The following ANXA6 variants were observed in gnomAD, a reference collection of about 807,000 sequenced individuals.
ANXA6 encodes annexin A6.
In ANXA6, 71 loss-of-function variants were observed where a neutral mutation model predicts 95.4. That is an observed-to-expected ratio of 0.74 (90% confidence interval 0.61 to 0.91). ANXA6 has a LOEUF of 0.91. Among genes scored for constraint, ANXA6 ranks in the 40% least tolerant of loss-of-function variants. The pLI is 0.00. For synonymous variants in ANXA6, 289 were observed against 315.9 expected, an observed-to-expected ratio of 0.91 and a Z score of 0.90; for missense variants, 830 against 876.4, an observed-to-expected ratio of 0.95 and a Z score of 0.67.
chr5:151,153,754 G>C (rs1271767530), intron 1 of ANXA6, among the ~76,000 whole-genome samples: 1 of 151,968 alleles, frequency 6.6e-6, no homozygotes, highest in East Asian at 1.9e-4. Context: ...CACCCCCTCA[G>C]GTAAAAAAAG....
At chr5:151,121,127 T>C (rs1254569870) in intron 17 of ANXA6, among the ~76,000 whole-genome samples, 1 of 152,218 alleles carries the variant, frequency 6.6e-6, no homozygotes, top group Non-Finnish European at 1.5e-5. Flanking sequence ...TAGCTCCCCA[T>C]TGCTGCCCTC....
intron 20 of ANXA6, among the ~76,000 whole-genome samples, chr5:151,111,883 G>T (rs886859801): frequency 6.6e-6 from 1 of 152,168 alleles, no homozygotes; most frequent in Non-Finnish European, 1.5e-5. Flanking sequence ...CCACCTCCCA[G>T]GTTCAAGCGA....
Position 151,139,391 on chromosome 5 carries a change from G to C in ANXA6, c.166C>G (p.Gln56Glu). Reference sequence around the variant, plus strand: ...GACTTGTAGCTCTGGCAGACCTCCTGCCTCTGCCTGTTGCTCCGTGAGGTG... The same window carrying C: ...GACTTGTAGCTCTGGCAGACCTCCTCCCTCTGCCTGTTGCTCCGTGAGGTG... ...IITSRSNRQR[Q>E]EVCQSYKSLY... The change falls in exon 4 of 26, where the codon CAG becomes GAG. Residue 56 changes from glutamine (Q) to glutamate (E), a missense_variant. By Grantham distance (29) the Gln-to-Glu change is conservative. Coordinates refer to ENST00000354546, the MANE Select transcript of ANXA6 (RefSeq NM_001155.5). 6.2e-7 allele frequency: 1 copy of C among 1,613,526 alleles called. No individual in the cohort carries two copies.
intron 20 of ANXA6, among the ~76,000 whole-genome samples, chr5:151,114,830 C>T (rs1389206049): frequency 6.6e-6 from 1 of 152,086 alleles, no homozygotes; most frequent in Non-Finnish European, 1.5e-5. Context: ...TCCCAGACTT[C>T]TAAGAGCTTG....
intron 1 of ANXA6, chr5:151,155,812 G>A (rs1766222234): frequency 6.6e-6 from 1 of 152,382 alleles, no homozygotes; most frequent in African/African-American, 2.4e-5. Context: ...AAGCCCCAGA[G>A]GGGTAGTAGG....
intron 21 of ANXA6, 53 bp downstream of exon 21, chr5:151,110,574 G>T: frequency 1.2e-6 from 2 of 1,601,310 alleles, no homozygotes; most frequent in Non-Finnish European, 1.7e-6. Context: ...GCCCAGTAAA[G>T]GCGGACTTTA....
At chr5:151,141,499 A>G (rs960984647) in intron 2 of ANXA6, 54 of 985,258 alleles carry the variant, frequency 5.5e-5, no homozygotes, top group Non-Finnish European at 6.0e-5. Context: ...AATCCAAAAA[A>G]GAGGGAATGG....
At chr5:151,109,877 G>A (rs551952045) in intron 21 of ANXA6, 31 bp from the exon 22 acceptor site, 2 of 1,486,038 alleles carry the variant, frequency 1.3e-6, no homozygotes, top group Admixed American at 3.7e-5. Flanking sequence ...CAAGGATTTG[G>A]GAGGGGAGAC....
intron 5 of ANXA6, among the ~76,000 whole-genome samples, chr5:151,138,373 C>T (rs1180870324): frequency 2.0e-5 from 3 of 152,168 alleles, no homozygotes; most frequent in South Asian, 2.1e-4. Context: ...GGCCCAGGGT[C>T]ATGTTGATTA....
At chr5:151,142,629 TAAG>T (rs1231216999) in intron 2 of ANXA6, among the ~76,000 whole-genome samples, 3 of 152,328 alleles carry the variant, frequency 2.0e-5, no homozygotes, top group Admixed American at 6.5e-5. Flanking sequence ...TCATTCTGCC[TAAG>T]AAGAACCGTG....
At chr5:151,149,636 G>A (rs779413823) in intron 1 of ANXA6, among the ~76,000 whole-genome samples, 64 of 152,108 alleles carry the variant, frequency 4.2e-4, no homozygotes, top group Non-Finnish European at 7.4e-4. Context: ...ACAGGTGCAC[G>A]GCACCACACC....
intron 22 of ANXA6, 27 bp downstream of exon 22, chr5:151,109,726 C>T: frequency 1.3e-6 from 2 of 1,558,474 alleles, no homozygotes; most frequent in East Asian, 2.3e-5. Context: ...TCCTGCTGAG[C>T]TGGGAAGGGA....
chr5:151,149,113 G>A (rs139259534), intron 1 of ANXA6, among the ~76,000 whole-genome samples: 46 of 150,188 alleles, frequency 3.1e-4, no homozygotes, highest in African/African-American at 1.0e-3. Flanking sequence ...CTCAGGAGGT[G>A]GAGGCTGCAG....
Position 151,102,993 on chromosome 5 carries a change from G to A in ANXA6, c.1962+577C>T, listed in dbSNP as rs567254822. 7.9e-5 allele frequency among the ~76,000 whole-genome samples: 12 copies of A among 151,992 alleles called. No homozygotes were observed. In the South Asian group the frequency reaches 1.5e-3, roughly 18 times the overall value. On this transcript the variant is annotated intron_variant, in intron 25 of 25. Coordinates refer to ENST00000354546, the MANE Select transcript of ANXA6 (RefSeq NM_001155.5). ...GAATTTTATGATATGTAAGTTTTTC[G>A]TTTGTTTGTTTGTCTGTTTTTGAGA...
intron 1 of ANXA6, 110 bp from the exon 2 acceptor site, chr5:151,148,036 G>A: frequency 9.2e-7 from 1 of 1,083,600 alleles, no homozygotes; most frequent in African/African-American, 1.6e-5. Flanking sequence ...AGCCCTTCAG[G>A]TTAAATCAGA....
chr5:151,136,191 C>T (rs995537485), intron 7 of ANXA6, 65 bp downstream of exon 7: 21 of 1,511,414 alleles, frequency 1.4e-5, no homozygotes, highest in Non-Finnish European at 1.7e-5. Context: ...TTCAGATCTA[C>T]ACCCAGATGA....
rs1765380371 is a variant in ANXA6, at chr5:151,128,122, A to G, written c.977+59T>C. On this transcript the variant is annotated intron_variant, in intron 13 of 25. Coordinates refer to ENST00000354546, the MANE Select transcript of ANXA6 (RefSeq NM_001155.5). ...CACCCATCAGGATGCGAGCCAGGAG[A>G]GTCCCCGCCTGGCACCCCAAGGCCA... 25 of 1,431,614 alleles carry G rather than the reference A, an allele frequency of 1.7e-5. No homozygotes were observed. The South Asian group carries it at 2.8e-4, about 16-fold the overall frequency. 88.7% of individuals were successfully genotyped at this position (1,431,614 alleles called of 1,614,324 possible). A position where few individuals can be genotyped will look rare whatever the true frequency, so the allele number is the denominator to read the frequency against.
chr5:151,117,915 A>C, intron 18 of ANXA6, 78 bp from the exon 19 acceptor site: 3 of 1,244,646 alleles, frequency 2.4e-6, no homozygotes, highest in Non-Finnish European at 2.3e-6. Context: ...CAGGAAACTC[A>C]GGCTTGAGCC....
At chr5:151,138,220 T>C (rs1033527280) in intron 5 of ANXA6, among the ~76,000 whole-genome samples, 6 of 152,174 alleles carry the variant, frequency 3.9e-5, no homozygotes, top group Non-Finnish European at 8.8e-5. Context: ...CTACTCTTCA[T>C]ACCCTAAACA....
Sources: gnomAD v4.1 joint callset for allele counts (sites outside exome capture counted in the v4.1 genomes callset) on GRCh38, gnomAD v4.1.1 for gene constraint, MANE v1.5 for transcripts, NCBI Gene and HGNC (gene_info 2026-07-23, HGNC 2026-07-21) for gene names.